The following PRDM5 variants were observed in gnomAD, a reference collection of about 807,000 sequenced individuals.
PRDM5 encodes the protein PR/SET domain 5.
A neutral mutation model predicts 81.2 loss-of-function variants in PRDM5; 56 were observed. The observed-to-expected ratio is 0.69, with a 90% CI of 0.56 to 0.86. The LOEUF is 0.86. PRDM5 is among the 40% of genes least tolerant of loss of function. The pLI, the probability that PRDM5 is intolerant of heterozygous loss-of-function variation, is 0.00. For missense variants in PRDM5, 697 were observed against 770.1 expected (o/e 0.91, Z 1.12); for synonymous variants, 267 against 256.4 (o/e 1.04, Z -0.39).
chr4:120,868,929 T>C (rs1163504657), intron 2 of PRDM5, among the ~76,000 whole-genome samples: 1 of 152,162 alleles, frequency 6.6e-6, no homozygotes, highest in Non-Finnish European at 1.5e-5. Flanking sequence ...TACTCATTAA[T>C]ATGCAAATTG....
intron 10 of PRDM5, among the ~76,000 whole-genome samples, chr4:120,794,184 C>T (rs982012988): frequency 6.6e-6 from 1 of 152,076 alleles, no homozygotes; most frequent in African/African-American, 2.4e-5. Flanking sequence ...ATAGCAACAC[C>T]TTAAATGAAT....
At chr4:120,838,542 A>G (rs1052571167) in intron 3 of PRDM5, 2 of 152,208 alleles carry the variant, frequency 1.3e-5, no homozygotes, top group African/African-American at 4.8e-5. Context: ...CATCAGGAAC[A>G]GGTTTTGTGG....
chr4:120,738,255 C>A (rs1179473689), intron 14 of PRDM5, among the ~76,000 whole-genome samples: 1 of 152,190 alleles, frequency 6.6e-6, no homozygotes, highest in Non-Finnish European at 1.5e-5. Flanking sequence ...AAGTATCATT[C>A]TGATTACAGT....
At chr4:120,702,269 C>T (rs1412069459) in intron 15 of PRDM5, among the ~76,000 whole-genome samples, 1 of 152,174 alleles carries the variant, frequency 6.6e-6, no homozygotes, top group African/African-American at 2.4e-5. Flanking sequence ...TGTTTTGCTA[C>T]TTGTAAGGTA....
intron 13 of PRDM5, among the ~76,000 whole-genome samples, chr4:120,774,910 A>T (rs1578683368): frequency 7.1e-6 from 1 of 141,750 alleles, no homozygotes; most frequent in African/African-American, 2.6e-5. Flanking sequence ...ATATATATGT[A>T]TATGTATATG....
At chr4:120,696,429 G>A (rs1201507569) in intron 15 of PRDM5, among the ~76,000 whole-genome samples, 1 of 152,170 alleles carries the variant, frequency 6.6e-6, no homozygotes, top group Non-Finnish European at 1.5e-5. Flanking sequence ...CTCCATGAGA[G>A]CAGGGATCTT....
intron 13 of PRDM5, among the ~76,000 whole-genome samples, chr4:120,772,608 C>T (rs943841717): frequency 2.0e-5 from 3 of 152,148 alleles, no homozygotes; most frequent in Non-Finnish European, 4.4e-5. Flanking sequence ...GAAATCAAGA[C>T]GGAAATGGCC....
chr4:120,884,764 C>T (rs776545914), intron 2 of PRDM5, among the ~76,000 whole-genome samples: 36 of 152,186 alleles, frequency 2.4e-4, no homozygotes, highest in Non-Finnish European at 5.0e-4. Flanking sequence ...CATATACCTA[C>T]TCTTTCCTAT....
chr4:120,768,342 A>G (rs1237082748), intron 13 of PRDM5, among the ~76,000 whole-genome samples: 1 of 152,206 alleles, frequency 6.6e-6, no homozygotes. Flanking sequence ...GTGCTTCCTC[A>G]TCTAGAAAAT....
chr4:120,722,102 G>A (rs116036599), intron 14 of PRDM5, among the ~76,000 whole-genome samples: 321 of 152,244 alleles, frequency 2.1e-3, no homozygotes, highest in African/African-American at 7.2e-3. Context: ...GGGGGCTGCC[G>A]GACTAAGCAG....
In PRDM5 at chr4:120,801,955, CTT is replaced by C. The variant is rs72420079; in HGVS notation, c.946-2212_946-2211del. On this transcript the variant is annotated intron_variant, in intron 8 of 15. Transcript: ENST00000264808. ...CTTCTGAGTTATACATAAATGAAAA[CTT>C]TTGTTATCATTTTTAATGTTTAATT... is the stretch of plus-strand genomic sequence containing the variant. Among the ~76,000 whole-genome samples, 1,309 of 151,978 alleles carry C rather than the reference CTT, an allele frequency of 8.6e-3. 21 individuals carry two copies. Among genetic ancestry groups the C allele is most frequent in the African/African-American group, 0.03 (1,240 of 41,456 alleles).
intron 3 of PRDM5, among the ~76,000 whole-genome samples, chr4:120,847,778 C>T (rs890755917): frequency 6.6e-6 from 1 of 152,054 alleles, no homozygotes; most frequent in African/African-American, 2.4e-5. Context: ...CTCTAATAAA[C>T]GTGACTGACA....
intron 2 of PRDM5, among the ~76,000 whole-genome samples, chr4:120,882,359 G>C (rs1375720688): frequency 6.6e-6 from 1 of 152,152 alleles, no homozygotes; most frequent in Non-Finnish European, 1.5e-5. Flanking sequence ...TGTTGGCCAG[G>C]CTGGTTTCGA....
At chr4:120,821,051 CA>C in intron 4 of PRDM5, 119 bp downstream of exon 4, 1 of 1,227,312 alleles carries the variant, frequency 8.1e-7, no homozygotes, top group Non-Finnish European at 1.2e-6. Flanking sequence ...ATAATTTTGA[CA>C]AAAACTAACT....
chr4:120,794,582 T>A (rs959265825), intron 10 of PRDM5, among the ~76,000 whole-genome samples: 1 of 150,634 alleles, frequency 6.6e-6, no homozygotes. Context: ...CAAATACATG[T>A]ATTATCTTAT....
intron 8 of PRDM5, among the ~76,000 whole-genome samples, chr4:120,811,038 T>C (rs1753760473): frequency 6.6e-6 from 1 of 152,148 alleles, no homozygotes; most frequent in African/African-American, 2.4e-5. Context: ...CCTTCTCTTT[T>C]GTAAAGAAAA....
chr4:120,812,008 T>C (rs1480668189), intron 7 of PRDM5, among the ~76,000 whole-genome samples: 1 of 152,160 alleles, frequency 6.6e-6, no homozygotes, highest in Non-Finnish European at 1.5e-5. Context: ...AACTATCCCA[T>C]TTTATTCACC....
intron 14 of PRDM5, among the ~76,000 whole-genome samples, chr4:120,712,986 C>T (rs551398125): frequency 6.6e-6 from 1 of 152,286 alleles, no homozygotes; most frequent in South Asian, 2.1e-4. Context: ...GGGACTGAAT[C>T]TTCAACTTTT....
At position 120,807,803 on chromosome 4, in the gene PRDM5, G is replaced by A. The variant is rs777158538; in HGVS notation, c.945+3567C>T. Among the ~76,000 whole-genome samples, 69 of 152,302 alleles carry A rather than the reference G, an allele frequency of 4.5e-4. No homozygotes were observed. The Middle Eastern group carries it at 0.01, about 23-fold the overall frequency. On this transcript the variant is annotated intron_variant, in intron 8 of 15. Coordinates refer to ENST00000264808, the MANE Select transcript of PRDM5 (RefSeq NM_018699.4). ...GAGTGAAGCTGCAGACTTTCACGGT[G>A]AGTGTTACAGTTCTTAAAGGTGGTG...
Sources: gnomAD v4.1 joint callset for allele counts (sites outside exome capture counted in the v4.1 genomes callset) on GRCh38, gnomAD v4.1.1 for gene constraint, MANE v1.5 for transcripts, NCBI Gene and HGNC (gene_info 2026-07-23, HGNC 2026-07-21) for gene names.